Variants in NOX5 observed in about 807,000 individuals in gnomAD.
NOX5 encodes NADPH oxidase 5, also known as NADPH oxidase, EF-hand calcium binding domain 5.
Under a neutral mutation model 85.7 loss-of-function variants are expected in NOX5, and 76 were observed. The ratio of observed to expected loss-of-function variants is 0.89; its 90% confidence interval spans 0.74 to 1.07. The LOEUF is 1.07. NOX5 is among the 50% of genes least tolerant of loss of function. The pLI is 0.00. For missense variants in NOX5, 973 were observed against 999.5 expected, an observed-to-expected ratio of 0.97 and a Z score of 0.36; for synonymous variants, 405 against 401.4, an observed-to-expected ratio of 1.01 and a Z score of -0.11.
rs185105622 is a variant in NOX5 at position 69,048,898 on chromosome 15, A to T, written c.1900-61A>T. 2.5e-5 allele frequency: 32 copies of T among 1,260,518 alleles called. No homozygotes were observed. The Admixed American group carries it at 5.9e-4, about 23-fold the overall frequency. 78.1% of individuals were successfully genotyped at this position (1,260,518 alleles called of 1,614,324 possible). On this transcript the variant is annotated intron_variant, in intron 13 of 15. Coordinates refer to ENST00000388866, the MANE Select transcript of NOX5 (RefSeq NM_024505.4). ...GTCATATGGGTCCCAGGGATTACAG[A>T]TGTGAGCCTCCTGCAAATCAGGGAG... is the stretch of plus-strand genomic sequence containing the variant.
chr15:69,016,344 T>C (rs1346744518), intron 1 of NOX5, among the ~76,000 whole-genome samples: 1 of 152,318 alleles, frequency 6.6e-6, no homozygotes, highest in African/African-American at 2.4e-5. Flanking sequence ...CTGGGAGCTT[T>C]GGACTGGCCT....
At chr15:69,032,300 AT>A (rs199868312) in intron 4 of NOX5, among the ~76,000 whole-genome samples, 1,634 of 152,316 alleles carry the variant, frequency 0.011, 37 homozygotes, top group African/African-American at 0.038. Flanking sequence ...GAAGCACAAA[AT>A]TAATAAGTGC....
chr15:69,048,876 A>G, intron 13 of NOX5, 83 bp from the exon 14 acceptor site: 3 of 967,094 alleles, frequency 3.1e-6, no homozygotes, highest in Non-Finnish European at 4.8e-6. Flanking sequence ...CAGGGTGGTC[A>G]TATGGGTCCC....
chr15:69,047,339 G>A lies in NOX5; in HGVS notation c.1693-74G>A, dbSNP rs1371411247. On this transcript the variant is annotated intron_variant, in intron 11 of 15. Coordinates refer to ENST00000388866, the MANE Select transcript of NOX5 (RefSeq NM_024505.4). Reference sequence around the variant, plus strand: ...TATATAAAGGGGGTTCTGAAGCCCTGGGGACATCCCCTGGTAGCAGGGGAG... The same window carrying A: ...TATATAAAGGGGGTTCTGAAGCCCTAGGGACATCCCCTGGTAGCAGGGGAG... 2.7e-6 allele frequency: 4 copies of A among 1,484,982 alleles called. No homozygotes were observed. In the African/African-American group the frequency reaches 5.6e-5, roughly 21 times the overall value. 92.0% of individuals were successfully genotyped at this position (1,484,982 alleles called of 1,614,324 possible).
chr15:69,045,103 C>T (rs1276737241), intron 10 of NOX5, among the ~76,000 whole-genome samples: 3 of 152,252 alleles, frequency 2.0e-5, no homozygotes, highest in Non-Finnish European at 2.9e-5. Context: ...GCTGGCTTAT[C>T]TTCCCAGGGA....
chr15:69,051,045 G>A (rs540538681), intron 14 of NOX5, among the ~76,000 whole-genome samples: 57 of 152,154 alleles, frequency 3.7e-4, no homozygotes, highest in Admixed American at 1.2e-3. Flanking sequence ...CAAGTGAGTA[G>A]CCTCCTCCCT....
chr15:69,025,099 T>C (rs1035535426), intron 1 of NOX5, among the ~76,000 whole-genome samples: 1 of 152,214 alleles, frequency 6.6e-6, no homozygotes, highest in African/African-American at 2.4e-5. Context: ...GAAGGAAATA[T>C]AGAGTTAGGC....
At chr15:69,052,822 T>C (rs1226495513) in intron 14 of NOX5, among the ~76,000 whole-genome samples, 3 of 152,236 alleles carry the variant, frequency 2.0e-5, no homozygotes, top group African/African-American at 7.2e-5. Context: ...TTATATAACA[T>C]TGACTTCATT....
At chr15:69,055,591 G>T in intron 15 of NOX5, 91 bp downstream of exon 15, 1 of 1,447,394 alleles carries the variant, frequency 6.9e-7, no homozygotes, top group Non-Finnish European at 9.4e-7. Flanking sequence ...AGCTGTCAGG[G>T]GCAAAGTGTG....
intron 5 of NOX5, among the ~76,000 whole-genome samples, chr15:69,033,716 T>G (rs1427497332): frequency 6.6e-6 from 1 of 150,840 alleles, no homozygotes; most frequent in East Asian, 1.9e-4. Flanking sequence ...TTTTTTTTTT[T>G]TGAGACGGAA....
At chr15:69,020,493 T>G (rs1470098923) in intron 1 of NOX5, among the ~76,000 whole-genome samples, 1 of 152,092 alleles carries the variant, frequency 6.6e-6, no homozygotes, top group African/African-American at 2.4e-5. Context: ...TATTTTATTC[T>G]GTGTAGACAT....
chr15:69,016,082 G>C lies in NOX5; in HGVS notation c.50+1297G>C, dbSNP rs184197189. On this transcript the variant is annotated intron_variant, in intron 1 of 15. Coordinates refer to ENST00000388866, the MANE Select transcript of NOX5 (RefSeq NM_024505.4). ...AGCTCTCTTCCTCTTTTCCAGCTGT[G>C]GGCTGCTTCTGGTACACAGGGATAG... 3.2e-4 allele frequency among the ~76,000 whole-genome samples: 48 copies of C among 152,302 alleles called. 2 individuals are homozygous for C. The highest frequency in any genetic ancestry group is 1.1e-3 in the African/African-American group (47 of 41,572).
At chr15:69,028,417 G>C (rs555255382) in intron 3 of NOX5, 52 bp downstream of exon 3, 31 of 1,505,928 alleles carry the variant, frequency 2.1e-5, no homozygotes, top group Admixed American at 6.2e-5. Context: ...GTGGGCCTCA[G>C]TGAGAACTGG....
At chr15:69,015,110 T>C (rs1307040417) in intron 1 of NOX5, among the ~76,000 whole-genome samples, 4 of 152,162 alleles carry the variant, frequency 2.6e-5, no homozygotes, top group Non-Finnish European at 4.4e-5. Context: ...GAGAGATGCT[T>C]GTGGGCTGGT....
intron 1 of NOX5, among the ~76,000 whole-genome samples, chr15:69,015,676 C>A (rs1482600811): frequency 2.0e-5 from 3 of 152,090 alleles, no homozygotes; most frequent in Admixed American, 2.0e-4. Flanking sequence ...ATGTTTCTGG[C>A]AAGAACATAT....
At chr15:69,044,651 G>A (rs2050640000) in intron 10 of NOX5, among the ~76,000 whole-genome samples, 1 of 152,158 alleles carries the variant, frequency 6.6e-6, no homozygotes, top group South Asian at 2.1e-4. Context: ...GGAAAAAGCA[G>A]GTTACTAAAA....
chr15:69,041,819 A>T (rs761328620), intron 9 of NOX5, among the ~76,000 whole-genome samples: 1 of 152,182 alleles, frequency 6.6e-6, no homozygotes, highest in Non-Finnish European at 1.5e-5. Context: ...ATGTGGCCCA[A>T]CACAAATTCA....
chr15:69,045,598 C>CTTCCCTTTCTTTCTTTTCTTTCTTTCT (rs1567105295), intron 10 of NOX5, among the ~76,000 whole-genome samples: 4 of 108,108 alleles, frequency 3.7e-5, no homozygotes, highest in Non-Finnish European at 8.1e-5. Flanking sequence ...TTCTTTCTTT[C>CTTCCCTTTCTTTCTTTTCTTTCTTTCT]TTTTTTTTTT....
chr15:69,039,119 T>C, intron 9 of NOX5, 130 bp downstream of exon 9: 1 of 1,056,468 alleles, frequency 9.5e-7, no homozygotes, highest in South Asian at 1.4e-5. Flanking sequence ...CAAAAAGCTC[T>C]CTTTGAAGTG....
Sources: allele counts gnomAD v4.1 joint callset (sites outside exome capture counted in the v4.1 genomes callset), GRCh38; gene constraint gnomAD v4.1.1; transcripts MANE v1.5; gene names NCBI Gene and HGNC (gene_info 2026-07-23, HGNC 2026-07-21).